The following SAMD5 variants were observed in gnomAD, a reference collection of about 807,000 sequenced individuals.
SAMD5 encodes the protein sterile alpha motif domain containing 5, also known as sterile alpha motif domain-containing protein 5.
Under a neutral mutation model 11.3 loss-of-function variants are expected in SAMD5, and 13 were observed. The ratio of observed to expected loss-of-function variants is 1.15; its 90% CI spans 0.75 to 1.83. The LOEUF is 1.83. Ranked by LOEUF, SAMD5 falls within the 40% of genes most tolerant of loss-of-function variation. SAMD5 has a pLI of 0.00. For synonymous variants in SAMD5, 129 were observed against 111.3 expected, an observed-to-expected ratio of 1.16 and a Z score of -1.00; for missense variants, 255 against 239.1, an observed-to-expected ratio of 1.07 and a Z score of -0.44.
intron 1 of SAMD5, among the ~76,000 whole-genome samples, chr6:147,693,759 A>G (rs1791137190): frequency 1.3e-5 from 2 of 152,180 alleles, no homozygotes; most frequent in African/African-American, 4.8e-5. Flanking sequence ...ACCTGAGGTC[A>G]GGAGTTCAAG....
the SAMD5 span, among the ~76,000 whole-genome samples, chr6:147,907,635 G>A: frequency 2.0e-5 from 3 of 152,164 alleles, no homozygotes; most frequent in Non-Finnish European, 4.4e-5. Flanking sequence ...GAGACACAGT[G>A]AGGACATCAG....
intron 1 of SAMD5, among the ~76,000 whole-genome samples, chr6:147,637,240 T>C (rs2128451937): frequency 6.6e-6 from 1 of 152,286 alleles, no homozygotes; most frequent in East Asian, 1.9e-4. Context: ...GAGGGAGTCC[T>C]GGTTGGGTGA....
At chr6:147,644,814 A>G (rs927841497) in intron 1 of SAMD5, among the ~76,000 whole-genome samples, 1 of 152,194 alleles carries the variant, frequency 6.6e-6, no homozygotes. Flanking sequence ...TAACCTAGTA[A>G]TTCTCCAAAT....
chr6:147,867,594 T>G, the SAMD5 span, among the ~76,000 whole-genome samples: 1 of 152,192 alleles, frequency 6.6e-6, no homozygotes, highest in South Asian at 2.1e-4. Flanking sequence ...CTTTATATCA[T>G]GCGATGCAAT....
chr6:147,880,183 C>T, the SAMD5 span, among the ~76,000 whole-genome samples: 1 of 152,150 alleles, frequency 6.6e-6, no homozygotes, highest in Non-Finnish European at 1.5e-5. Flanking sequence ...GTCAGGTAAT[C>T]AGTCCAAGGT....
the SAMD5 span, among the ~76,000 whole-genome samples, chr6:147,836,365 A>G: frequency 6.6e-5 from 10 of 152,184 alleles, no homozygotes; most frequent in Non-Finnish European, 1.5e-4. Flanking sequence ...TCTGCTTTAA[A>G]TCCATTATAG....
chr6:147,540,698 C>A (rs962564920), intron 1 of SAMD5, among the ~76,000 whole-genome samples: 3 of 152,034 alleles, frequency 2.0e-5, no homozygotes, highest in Non-Finnish European at 4.4e-5. Context: ...AGACGAGTCT[C>A]ACAAATCCTT....
At chr6:147,696,348 G>T (rs532895334) in intron 1 of SAMD5, among the ~76,000 whole-genome samples, 10 of 152,300 alleles carry the variant, frequency 6.6e-5, no homozygotes, top group Admixed American at 1.3e-4. Context: ...TACCCAGCCT[G>T]TGTCACCATT....
the SAMD5 span, among the ~76,000 whole-genome samples, chr6:147,923,908 T>C: frequency 5.3e-5 from 8 of 152,170 alleles, no homozygotes; most frequent in Admixed American, 6.5e-5. Flanking sequence ...CAAGTCTTTC[T>C]TTGCTAGCAG....
chr6:147,677,978 G>A (rs1790889493), intron 1 of SAMD5, among the ~76,000 whole-genome samples: 1 of 152,144 alleles, frequency 6.6e-6, no homozygotes, highest in Non-Finnish European at 1.5e-5. Flanking sequence ...ATAAAGAATG[G>A]TGCAATTGGT....
chr6:147,546,815 C>T (rs186969552), intron 1 of SAMD5, among the ~76,000 whole-genome samples: 41 of 152,290 alleles, frequency 2.7e-4, no homozygotes, highest in Admixed American at 1.8e-3. Flanking sequence ...TAAAAAATTT[C>T]TTGATATCCC....
chr6:147,604,753 G>A (rs1052658498), intron 1 of SAMD5, among the ~76,000 whole-genome samples: 31 of 152,160 alleles, frequency 2.0e-4, no homozygotes, highest in African/African-American at 6.8e-4. Flanking sequence ...TACCTACTAC[G>A]TAATTGCCTT....
intron 1 of SAMD5, among the ~76,000 whole-genome samples, chr6:147,657,717 C>G (rs189774429): frequency 1.3e-5 from 2 of 152,280 alleles, no homozygotes; most frequent in African/African-American, 2.4e-5. Flanking sequence ...ATAGACGGTG[C>G]CTTCTCGCTC....
chr6:147,692,721 A>G (rs775962998), intron 1 of SAMD5, among the ~76,000 whole-genome samples: 52 of 152,224 alleles, frequency 3.4e-4, no homozygotes, highest in Non-Finnish European at 7.1e-4. Flanking sequence ...GTCAATTTTT[A>G]GAGAGGCTGC....
the SAMD5 span, among the ~76,000 whole-genome samples, chr6:147,795,098 G>T: frequency 1.3e-4 from 19 of 150,178 alleles, no homozygotes; most frequent in African/African-American, 4.4e-4. Context: ...AAGTTTTAGG[G>T]TACATGTGCA....
intron 1 of SAMD5, among the ~76,000 whole-genome samples, chr6:147,637,855 G>T (rs1448450379): frequency 7.8e-6 from 1 of 128,348 alleles, no homozygotes; most frequent in African/African-American, 3.4e-5. Context: ...TCAAAAGCAA[G>T]TTCGGTTTTT....
chr6:147,677,764 G>T (rs1048989411), intron 1 of SAMD5, among the ~76,000 whole-genome samples: 1 of 152,040 alleles, frequency 6.6e-6, no homozygotes, highest in Non-Finnish European at 1.5e-5. Context: ...GAGGGTGTAT[G>T]GTGGTTGCAT....
the SAMD5 span, among the ~76,000 whole-genome samples, chr6:147,866,005 A>G: frequency 1.3e-5 from 2 of 152,146 alleles, no homozygotes; most frequent in African/African-American, 4.8e-5. Context: ...CACACTTGAA[A>G]CCTTTATGTT....
chr6:147,661,700 G>T (rs1447477154), intron 1 of SAMD5, among the ~76,000 whole-genome samples: 1 of 152,172 alleles, frequency 6.6e-6, no homozygotes, highest in Non-Finnish European at 1.5e-5. Flanking sequence ...TGCTGTCTCT[G>T]TTCACTGCAA....
Sources: allele counts gnomAD v4.1 joint callset (sites outside exome capture counted in the v4.1 genomes callset), GRCh38; gene constraint gnomAD v4.1.1; transcripts MANE v1.5; gene names NCBI Gene and HGNC (gene_info 2026-07-23, HGNC 2026-07-21).